Variants in PKD2 observed in about 807,000 individuals in gnomAD.
The protein encoded by PKD2 is polycystin-2.
In PKD2, 48 loss-of-function variants were observed where a neutral mutation model predicts 105.9. The observed-to-expected ratio is 0.45, with a 90% CI of 0.36 to 0.58. PKD2 has a LOEUF of 0.58. Among genes scored for constraint, PKD2 ranks in the 20% least tolerant of loss-of-function variants. PKD2 has a pLI of 0.00. For synonymous variants in PKD2, 464 were observed against 481.1 expected, an observed-to-expected ratio of 0.96 and a Z score of 0.46; for missense variants, 1,078 against 1,255.3, an observed-to-expected ratio of 0.86 and a Z score of 2.13.
At position 88,032,444 on chromosome 4, in the gene PKD2, G is replaced by A. The variant is rs540477028; in HGVS notation, c.710-3776G>A. On this transcript the variant is annotated intron_variant, in intron 2 of 14. Transcript: ENST00000237596. ...TTTCGGAGGCCGAGGTGGGCAGATC[G>A]TTTGAGCCCAGCACTTTGGCCGATA... 2.8e-4 allele frequency among the ~76,000 whole-genome samples: 42 copies of A among 152,138 alleles called. 1 individual carries two copies. Among genetic ancestry groups the A allele is most frequent in the Admixed American group, 2.6e-3 (39 of 15,266 alleles).
At chr4:88,013,826 TA>T (rs1313795050) in intron 1 of PKD2, among the ~76,000 whole-genome samples, 6 of 151,748 alleles carry the variant, frequency 4.0e-5, no homozygotes, top group African/African-American at 1.5e-4. Flanking sequence ...GAGGGAAAAA[TA>T]ATAGGAACAA....
At chr4:88,015,436 G>A (rs1370059911) in intron 1 of PKD2, among the ~76,000 whole-genome samples, 2 of 152,106 alleles carry the variant, frequency 1.3e-5, no homozygotes, top group Non-Finnish European at 2.9e-5. Context: ...TTATTTAGAC[G>A]GAGTTTCACT....
chr4:88,037,236 A>G (rs1364500433), intron 3 of PKD2, among the ~76,000 whole-genome samples: 1 of 152,000 alleles, frequency 6.6e-6, no homozygotes, highest in African/African-American at 2.4e-5. Flanking sequence ...CCCTTTCTCA[A>G]AAAAAATCCC....
intron 9 of PKD2, 26 bp downstream of exon 9, chr4:88,058,129 G>A (rs1720432422): frequency 1.5e-6 from 2 of 1,367,056 alleles, no homozygotes; most frequent in Non-Finnish European, 2.1e-6. Flanking sequence ...TTTATAGTGA[G>A]GTTCAATTTA....
Position 88,074,868 on chromosome 4 carries a change from T to C in PKD2, c.2579T>C (p.Ile860Thr). The C allele has an allele frequency of 6.2e-7, 1 of 1,614,082 alleles. No individual in the cohort carries two copies. Among genetic ancestry groups the C allele is most frequent in the Non-Finnish European group, 8.5e-7 (1 of 1,179,964 alleles). The stretch of plus-strand genomic sequence containing the variant: ...TCCATCGGCAGCATAGTGTCCAAGA[T>C]TGACGCCGTGATCGTGAAGCTAGAG... The part of the protein sequence containing the change: ...EHSIGSIVSK[I>T]DAVIVKLEIM... Residue 860 changes from isoleucine to threonine, a missense_variant, in exon 14 of 15, where the codon ATT (isoleucine) becomes ACT (threonine). Ile to Thr is a moderately conservative substitution (Grantham distance 89). Around this residue, in one of 2 missense-constraint regions of PKD2, gnomAD observed 868 missense variants for 1,067.3 expected, o/e 0.81. Coordinates refer to ENST00000237596, the MANE Select transcript of PKD2 (RefSeq NM_000297.4).
chr4:88,072,895 G>C (rs1721084644), intron 13 of PKD2, among the ~76,000 whole-genome samples: 1 of 151,944 alleles, frequency 6.6e-6, no homozygotes, highest in Non-Finnish European at 1.5e-5. Context: ...AAAATTAACT[G>C]GTGGGTTGTG....
rs11934487 is a variant in PKD2 at position 88,027,648 on chromosome 4, A to C, written c.709+8077A>C. 2.4e-3 allele frequency among the ~76,000 whole-genome samples: 372 copies of C among 152,296 alleles called. 3 individuals are homozygous for C. Among genetic ancestry groups the C allele is most frequent in the African/African-American group, 8.6e-3 (357 of 41,568 alleles). ...AAGGACATGAGATTTTGGAGGGGCC[A>C]GGGGTAGAATGATATGGTTTGACTC... On this transcript the variant is annotated intron_variant, in intron 2 of 14. Coordinates refer to ENST00000237596, the MANE Select transcript of PKD2 (RefSeq NM_000297.4).
chr4:88,074,852 A>G lies in PKD2; in HGVS notation c.2563A>G (p.Ser855Gly), dbSNP rs373306069. The change falls in exon 14 of 15, where the codon AGC becomes GGC. Residue 855 changes from serine to glycine, a missense_variant. Coordinates refer to ENST00000237596, the MANE Select transcript of PKD2 (RefSeq NM_000297.4). ...RVDRMEHSIG[S>G]IVSKIDAVIV... ...GGACCGGATGGAGCATTCCATCGGC[A>G]GCATAGTGTCCAAGATTGACGCCGT... 3.7e-5 allele frequency: 59 copies of G among 1,614,010 alleles called. No individual in the cohort carries two copies. Among genetic ancestry groups the G allele is most frequent in the Non-Finnish European group, 4.8e-5 (57 of 1,179,992 alleles).
At chr4:88,016,767 C>G (rs1321206322) in intron 1 of PKD2, among the ~76,000 whole-genome samples, 1 of 151,922 alleles carries the variant, frequency 6.6e-6, no homozygotes, top group Non-Finnish European at 1.5e-5. Context: ...TTGAGGCCAG[C>G]CTAGGCAATG....
At chr4:88,065,313 A>G in intron 10 of PKD2, 61 bp from the exon 11 acceptor site, 6 of 1,512,718 alleles carry the variant, frequency 4.0e-6, no homozygotes, top group Non-Finnish European at 5.5e-6. Flanking sequence ...AATGGAAAGT[A>G]AAACAGATGC....
At chr4:88,043,179 C>T in intron 4 of PKD2, 54 bp from the exon 5 acceptor site, 1 of 1,140,540 alleles carries the variant, frequency 8.8e-7, no homozygotes, top group Non-Finnish European at 1.3e-6. Context: ...TTGTAATTGC[C>T]TCAAGTGTTC....
rs188697904 is a variant in PKD2 at position 88,053,567 on chromosome 4, G to T, written c.1716+1409G>T. 5.3e-5 allele frequency among the ~76,000 whole-genome samples: 8 copies of T among 151,862 alleles called. No individual in the cohort carries two copies. The East Asian group carries it at 1.6e-3, about 29-fold the overall frequency. On this transcript the variant is annotated intron_variant, in intron 7 of 14. Transcript: ENST00000237596. Reference sequence around the variant, plus strand: ...AGCTACTTAGGAGGCTTAGGCGGGAGGATTGCTTGAATCCAGAAGGCGGAG... The same window carrying T: ...AGCTACTTAGGAGGCTTAGGCGGGATGATTGCTTGAATCCAGAAGGCGGAG...
At chr4:88,070,593 T>TAGAG (rs1231949190) in intron 13 of PKD2, among the ~76,000 whole-genome samples, 171 of 108,464 alleles carry the variant, frequency 1.6e-3, no homozygotes, top group Middle Eastern at 4.2e-3. Context: ...TATATATATA[T>TAGAG]ATATATATAG....
chr4:88,044,869 G>T (rs961395436), intron 5 of PKD2, among the ~76,000 whole-genome samples: 1 of 151,960 alleles, frequency 6.6e-6, no homozygotes, highest in African/African-American at 2.4e-5. Flanking sequence ...TACTCAAGCT[G>T]TCCTTGCTCA....
intron 13 of PKD2, among the ~76,000 whole-genome samples, chr4:88,073,393 G>A (rs996645005): frequency 1.1e-4 from 17 of 151,974 alleles, no homozygotes; most frequent in African/African-American, 2.2e-4. Flanking sequence ...GGGCATGGTG[G>A]TGCACACCTG....
chr4:88,036,209 C>A lies in PKD2; in HGVS notation c.710-11C>A, dbSNP rs764334983. ...CCTTGGGGCGTTCATTTGGATCTTT[C>A]TGTGTTCCAGTGACCTACGGCATGA... On this transcript the variant is annotated splice_polypyrimidine_tract_variant and intron_variant, in intron 2 of 14. Transcript: ENST00000237596. 2.9e-5 allele frequency: 46 copies of A among 1,613,646 alleles called. No individual in the cohort carries two copies. The highest frequency in any genetic ancestry group is 3.8e-5 in the Non-Finnish European group (45 of 1,179,776).
At chr4:88,038,812 A>AG (rs1457114244) in intron 4 of PKD2, among the ~76,000 whole-genome samples, 1 of 152,190 alleles carries the variant, frequency 6.6e-6, no homozygotes, top group Non-Finnish European at 1.5e-5. Context: ...CTGTTTTTAC[A>AG]GGTGCAGTAA....
intron 9 of PKD2, among the ~76,000 whole-genome samples, chr4:88,061,414 T>C (rs1720566478): frequency 6.6e-6 from 1 of 152,152 alleles, no homozygotes; most frequent in African/African-American, 2.4e-5. Flanking sequence ...AAAATAATCT[T>C]CCCAAAACAT....
chr4:88,061,237 G>A (rs533994354), intron 9 of PKD2, among the ~76,000 whole-genome samples: 8 of 152,264 alleles, frequency 5.3e-5, no homozygotes, highest in African/African-American at 1.2e-4. Context: ...CTTCAGTAGT[G>A]TATGTAAAAG....
Sources: gnomAD v4.1 joint callset for allele counts (sites outside exome capture counted in the v4.1 genomes callset) on GRCh38, gnomAD v4.1.1 for gene constraint, gnomAD v4.1.1 regional missense constraint, MANE v1.5 for transcripts, NCBI Gene and HGNC (gene_info 2026-07-23, HGNC 2026-07-21) for gene names.